MINK1: variants seen among roughly 807,000 people sequenced by gnomAD.
The protein encoded by MINK1 is misshapen-like kinase 1.
A neutral mutation model predicts 178.4 loss-of-function variants in MINK1; 46 were observed. The observed-to-expected ratio is 0.26, with a 90% confidence interval of 0.20 to 0.33. The LOEUF is 0.33. Ranked by LOEUF, MINK1 falls within the 10% of genes least tolerant of loss-of-function variation. The pLI is 1.00. For synonymous variants in MINK1, 797 were observed against 709.7 expected (o/e 1.12, Z -1.96); for missense variants, 1,366 against 1,814.9 (o/e 0.75, Z 4.49).
intron 20 of MINK1, 167 bp downstream of exon 20, chr17:4,893,234 C>CCTCTCTCCTAACCTCT (rs1969055446): frequency 1.2e-6 from 2 of 1,610,088 alleles, no homozygotes; most frequent in Non-Finnish European, 1.7e-6. Flanking sequence ...TCTCTCCTAA[C>CCTCTCTCCTAACCTCT]CTCTCTCCTA....
chr17:4,853,485 A>G (rs1597410177), intron 1 of MINK1, among the ~76,000 whole-genome samples: 2 of 143,370 alleles, frequency 1.4e-5, no homozygotes, highest in Admixed American at 7.0e-5. Flanking sequence ...TTGGTGGGGG[A>G]GTGTGGTTGT....
Position 4,897,323 on chromosome 17 carries a change from C to T in MINK1, c.*36C>T, listed in dbSNP as rs1313026115. The T allele has an allele frequency of 1.3e-6, 2 of 1,593,822 alleles. No homozygotes were observed. Among genetic ancestry groups the T allele is most frequent in the Non-Finnish European group, 1.7e-6 (2 of 1,163,044 alleles). ...GGCTGGGGCTGTCCCACACTGGACCCAGCTCTCCCCCTGCAGCCAGGCTTC... is the reference window on the plus strand; with the variant it reads ...GGCTGGGGCTGTCCCACACTGGACCTAGCTCTCCCCCTGCAGCCAGGCTTC... On this transcript the variant is annotated 3_prime_UTR_variant, in exon 32 of 32. Transcript: ENST00000355280.
intron 12 of MINK1, 35 bp from the exon 13 acceptor site, chr17:4,889,612 G>T: frequency 6.5e-7 from 1 of 1,532,486 alleles, no homozygotes; most frequent in South Asian, 1.2e-5. Context: ...GCGATGTCCG[G>T]TATGGTTCTT....
intron 1 of MINK1, chr17:4,854,851 T>C: frequency 2.2e-6 from 1 of 460,704 alleles, no homozygotes; most frequent in East Asian, 6.7e-5. Context: ...GTTAGCAGAG[T>C]GGAGAGTCTG....
At position 4,892,452 on chromosome 17, in the gene MINK1, G is replaced by A. The variant is rs761878527; in HGVS notation, c.2138G>A (p.Arg713Gln). The change falls in exon 18 of 32, where the codon CGG becomes CAG. Residue 713 changes from arginine to glutamine, a missense_variant. Arg to Gln is a conservative substitution (Grantham distance 43). Around this residue, in one of 14 missense-constraint regions of MINK1, gnomAD observed 709 missense variants for 692.3 expected, o/e 1.02. Coordinates refer to ENST00000355280, the MANE Select transcript of MINK1 (RefSeq NM_153827.5). ...WQIYLQRRAE[R>Q]GTPKPPGPPA... ...ATCTATCTGCAAAGGCGGGCAGAGC[G>A]GGGCACCCCAAAGCCTCCAGGGCCC... 1.0e-5 allele frequency: 16 copies of A among 1,565,824 alleles called. No individual in the cohort carries two copies. Among genetic ancestry groups the A allele is most frequent in the African/African-American group, 4.1e-5 (3 of 73,322 alleles).
intron 13 of MINK1, 70 bp from the exon 14 acceptor site, chr17:4,890,447 A>G: frequency 6.6e-7 from 1 of 1,517,830 alleles, no homozygotes; most frequent in Non-Finnish European, 8.9e-7. Context: ...TGGAGAAAAG[A>G]GAGGGCATGC....
chr17:4,896,851 G>C lies in MINK1; in HGVS notation c.3915+38G>C, dbSNP rs367725327. 8 of 1,533,200 alleles carry C rather than the reference G, an allele frequency of 5.2e-6. No homozygotes were observed. In the East Asian group the frequency reaches 1.8e-4, roughly 35 times the overall value. 95.0% of individuals were successfully genotyped at this position (1,533,200 alleles called of 1,614,324 possible). ...TTCCCTCTGAAAGCCCTGCTGTCCC[G>C]GCTGCCATGACCCTAGGCCCCTGGG... On this transcript the variant is annotated intron_variant, in intron 31 of 31. Coordinates refer to ENST00000355280, the MANE Select transcript of MINK1 (RefSeq NM_153827.5). The surrounding 1 kb of genome is among the most constrained non-coding windows in gnomAD (Gnocchi z 4.6).
At chr17:4,884,056 T>C (rs895907261) in intron 4 of MINK1, among the ~76,000 whole-genome samples, 1 of 140,170 alleles carries the variant, frequency 7.1e-6, no homozygotes, top group Non-Finnish European at 1.5e-5. Context: ...TGAGACGGAG[T>C]CTTGCTCACC....
chr17:4,874,770 C>G (rs1207965592), intron 1 of MINK1, among the ~76,000 whole-genome samples: 1 of 152,082 alleles, frequency 6.6e-6, no homozygotes, highest in Non-Finnish European at 1.5e-5. Flanking sequence ...CTGAATCACC[C>G]TTTCCAGTAG....
chr17:4,837,166 G>A (rs866258402), intron 1 of MINK1, among the ~76,000 whole-genome samples: 2 of 152,150 alleles, frequency 1.3e-5, no homozygotes, highest in Non-Finnish European at 2.9e-5. Flanking sequence ...CAGCTTGGGC[G>A]ACAAAGCCAG....
At chr17:4,878,440 G>A in intron 2 of MINK1, 58 bp downstream of exon 2, 2 of 1,439,878 alleles carry the variant, frequency 1.4e-6, no homozygotes, top group Middle Eastern at 1.7e-4. Context: ...CTTGGGAGGA[G>A]TGGAAGGAAG....
chr17:4,892,553 C>T (rs542426825), intron 18 of MINK1, 41 bp downstream of exon 18: 2 of 1,537,914 alleles, frequency 1.3e-6, no homozygotes, highest in African/African-American at 1.4e-5. Context: ...CCTCTCACTT[C>T]TGCCACCCGC....
chr17:4,896,389 C>A lies in MINK1; in HGVS notation c.3616-40C>A. The A allele has an allele frequency of 6.2e-7, 1 of 1,608,658 alleles. No individual in the cohort carries two copies. Among genetic ancestry groups the A allele is most frequent in the Non-Finnish European group, 8.5e-7 (1 of 1,176,740 alleles). ...GGGGAGTGGGATGGCCCAGTCTGGG[C>A]ACCAGACACGGAGACTCTAGTCCCC... On this transcript the variant is annotated intron_variant, in intron 29 of 31. Transcript: ENST00000355280. The surrounding 1 kb of genome is among the most constrained non-coding windows in gnomAD (Gnocchi z 4.6).
intron 4 of MINK1, among the ~76,000 whole-genome samples, chr17:4,882,663 C>T (rs1418484554): frequency 6.6e-6 from 1 of 152,236 alleles, no homozygotes; most frequent in African/African-American, 2.4e-5. Context: ...CCCAGCTACA[C>T]GGTTCTGTTG....
chr17:4,892,758 C>A lies in MINK1; in HGVS notation c.2301C>A (p.Asn767Lys), dbSNP rs750703406. The change falls in exon 19 of 32, where the codon AAC becomes AAA. Residue 767 changes from asparagine to lysine, a missense_variant. Around this residue, in one of 14 missense-constraint regions of MINK1, gnomAD observed 709 missense variants for 692.3 expected, o/e 1.02. Coordinates refer to ENST00000355280, the MANE Select transcript of MINK1 (RefSeq NM_153827.5). ...HLPQAGSLER[N>K]RVGVSSKPDS... ...CCCAGGCTGGCTCACTGGAGCGGAA[C>A]CGCGTGGGAGGTATGTGAGCCAGGG... The A allele has an allele frequency of 6.2e-7, 1 of 1,608,112 alleles. No homozygotes were observed. Among genetic ancestry groups the A allele is most frequent in the African/African-American group, 1.3e-5 (1 of 74,902 alleles).
At position 4,895,159 on chromosome 17, in the gene MINK1, A is replaced by G; in HGVS notation, c.3002A>G (p.Asn1001Ser). ...KGSVVNVNPT[N>S]TRAHSETPEI... ...TCTGTGGTCAACGTGAATCCCACCA[A>G]CACCCGGGCCCACAGTGAGACCCCT... The change falls in exon 25 of 32, where the codon AAC becomes AGC. Residue 1001 changes from asparagine (N) to serine (S), a missense_variant. Physicochemically the swap from Asn to Ser is conservative, Grantham distance 46 (BLOSUM62 1). Coordinates refer to ENST00000355280, the MANE Select transcript of MINK1 (RefSeq NM_153827.5). This position sits in a 1 kb window ranked among gnomAD's most constrained non-coding sequence, Gnocchi z 4.3. The G allele has an allele frequency of 6.2e-7, 1 of 1,613,870 alleles. No homozygotes were observed. The highest frequency in any genetic ancestry group is 1.7e-5 in the Admixed American group (1 of 60,000).
At chr17:4,839,468 AG>A (rs1395939146) in intron 1 of MINK1, among the ~76,000 whole-genome samples, 1 of 152,236 alleles carries the variant, frequency 6.6e-6, no homozygotes, top group Non-Finnish European at 1.5e-5. Flanking sequence ...AAAAGTGATC[AG>A]GTTAATAAGT....
chr17:4,857,618 C>T (rs1351623225), intron 1 of MINK1, among the ~76,000 whole-genome samples: 1 of 151,938 alleles, frequency 6.6e-6, no homozygotes, highest in Admixed American at 6.6e-5. Context: ...AGGCACGCAC[C>T]ACCATGCCCA....
At position 4,897,645 on chromosome 17, in the gene MINK1, A is replaced by G. The variant is rs1348382650; in HGVS notation, c.*358A>G. On this transcript the variant is annotated 3_prime_UTR_variant, in exon 32 of 32. Transcript: ENST00000355280. ...TGCTGCTGACTGGGCAGGGCCCTGG[A>G]CCCCTTTATTTGCACGTCAGGGGAG... The G allele has an allele frequency of 5.3e-6, 1 of 188,604 alleles. No individual in the cohort carries two copies. The highest frequency in any genetic ancestry group is 2.4e-5 in the African/African-American group (1 of 41,914). 11.7% of individuals were successfully genotyped at this position (188,604 alleles called of 1,614,324 possible). A position where few individuals can be genotyped will look rare whatever the true frequency, so the allele number is the denominator to read the frequency against.
Sources: gnomAD v4.1 joint callset for allele counts (sites outside exome capture counted in the v4.1 genomes callset) on GRCh38, gnomAD v4.1.1 for gene constraint, gnomAD v4.1.1 regional missense constraint, Gnocchi (gnomAD v3.1) non-coding constraint, MANE v1.5 for transcripts, NCBI Gene and HGNC (gene_info 2026-07-23, HGNC 2026-07-21) for gene names.